The following NRK variants were observed in gnomAD, a reference collection of about 807,000 sequenced individuals.
NRK encodes the protein Nik related kinase.
NRK carries 67 observed loss-of-function variants against 125.2 expected under a neutral mutation model. That is an observed-to-expected ratio of 0.54 (90% confidence interval 0.44 to 0.66). NRK has a LOEUF of 0.66. NRK is among the 30% of genes least tolerant of loss of function. NRK has a pLI of 0.00. For synonymous variants in NRK, 458 were observed against 429.0 expected, an observed-to-expected ratio of 1.07 and a Z score of -0.84; for missense variants, 1,224 against 1,192.9, an observed-to-expected ratio of 1.03 and a Z score of -0.38.
intron 1 of NRK, among the ~76,000 whole-genome samples, chrX:105,829,378 C>A (rs1296060124): frequency 8.9e-6 from 1 of 111,977 alleles, no homozygotes; most frequent in African/African-American, 3.2e-5. Flanking sequence ...TTTATCACAG[C>A]AATAAAAATG....
Position 105,939,930 on chromosome X carries a change from A to G in NRK, c.3856A>G (p.Asn1286Asp). Residue 1286 changes from asparagine to aspartate, a missense_variant, in exon 23 of 29, where the codon AAT (asparagine) becomes GAT (aspartate). Coordinates refer to ENST00000243300, the MANE Select transcript of NRK (RefSeq NM_198465.4). Reference protein sequence around the residue: ...HLTWLRNKILNNDPESKRRQE... With the variant: ...HLTWLRNKILDNDPESKRRQE... ...GACCTGGTTGAGGAACAAGATTTTG[A>G]ATAATGATCCAGAAAGTAAAAGAAG... The G allele has an allele frequency of 8.4e-7, 1 of 1,191,445 alleles. No homozygotes were observed. Among genetic ancestry groups the G allele is most frequent in the Non-Finnish European group, 1.1e-6 (1 of 878,996 alleles).
chrX:105,956,078 A>G lies in NRK; in HGVS notation c.*478A>G, dbSNP rs1020993462. 2 of 112,200 alleles carry G rather than the reference A, an allele frequency of 1.8e-5. No individual in the cohort carries two copies. The highest frequency in any genetic ancestry group is 1.9e-5 in the Non-Finnish European group (1 of 53,336). The allele number at this position is 112,200 out of a possible 1,213,427, so 9.2% of individuals were successfully genotyped here. On this transcript the variant is annotated 3_prime_UTR_variant, in exon 29 of 29. Coordinates refer to ENST00000243300, the MANE Select transcript of NRK (RefSeq NM_198465.4). ...TCAAGAAACAAAAATCTTAAAGATT[A>G]TTATAACCCAGACTAAGGTTGAACA...
At position 105,923,494 on chromosome X, in the gene NRK, T is replaced by C. The variant is rs934564333; in HGVS notation, c.2975+12T>C. On this transcript the variant is annotated intron_variant, in intron 18 of 28. Coordinates refer to ENST00000243300, the MANE Select transcript of NRK (RefSeq NM_198465.4). ...CCTAGTTGTCCAAGGTTGGTTTTTT[T>C]GAATTACTTATACTCTCCATGTTTT... 10 of 1,092,551 alleles carry C rather than the reference T, an allele frequency of 9.2e-6. No homozygotes were observed. In the African/African-American group the frequency reaches 1.9e-4, roughly 21 times the overall value. The allele number at this position is 1,092,551 out of a possible 1,213,427, so 90.0% of individuals were successfully genotyped here.
At position 105,934,378 on chromosome X, in the gene NRK, G is replaced by A. The variant is rs1300570822; in HGVS notation, c.3433G>A (p.Ala1145Thr). 2 of 1,202,718 alleles carry A rather than the reference G, an allele frequency of 1.7e-6. No individual in the cohort carries two copies. Among genetic ancestry groups the A allele is most frequent in the Non-Finnish European group, 2.2e-6 (2 of 889,467 alleles). Residue 1145 changes from alanine to threonine, a missense_variant, in exon 20 of 29, where the codon GCC (alanine) becomes ACC (threonine). Coordinates refer to ENST00000243300, the MANE Select transcript of NRK (RefSeq NM_198465.4). The stretch of plus-strand genomic sequence containing the variant: ...ATCATCAACACAATCAGATTTTTCT[G>A]CCAATCACTCATCTCCTTCCAAAGG... The part of the protein sequence containing the change: ...SESSTQSDFS[A>T]NHSSPSKGSG...
At chrX:105,851,329 T>A (rs2039469277) in intron 2 of NRK, among the ~76,000 whole-genome samples, 1 of 112,269 alleles carries the variant, frequency 8.9e-6, no homozygotes, top group African/African-American at 3.2e-5. Context: ...AGAAAGGGTT[T>A]ATTACTTTTC....
intron 23 of NRK, among the ~76,000 whole-genome samples, chrX:105,942,373 C>T (rs2040754887): frequency 8.9e-6 from 1 of 111,735 alleles, no homozygotes; most frequent in African/African-American, 3.3e-5. Context: ...GTTCTATATT[C>T]TCTATATCCT....
chrX:105,825,723 G>A (rs2039083564), intron 1 of NRK, among the ~76,000 whole-genome samples: 1 of 111,385 alleles, frequency 9.0e-6, no homozygotes, highest in African/African-American at 3.3e-5. Context: ...TTTATACAAT[G>A]ATATAACTTT....
At chrX:105,880,127 C>G (rs1162086289) in intron 2 of NRK, 72 bp from the exon 3 acceptor site, 4 of 436,287 alleles carry the variant, frequency 9.2e-6, no homozygotes, top group Non-Finnish European at 1.5e-5. Flanking sequence ...TTAATATTTT[C>G]TACTTTAATT....
At position 105,934,355 on chromosome X, in the gene NRK, C is replaced by T. The variant is rs181789019; in HGVS notation, c.3410C>T (p.Ser1137Leu). Residue 1137 changes from serine to leucine, a missense_variant, in exon 20 of 29, where the codon TCA becomes TTA. Physicochemically the swap from Ser to Leu is moderately radical, Grantham distance 145. Transcript: ENST00000243300. ...HESDNKDISE[S>L]STQSDFSANH... ...AGTGACAATAAGGACATATCAGAATCATCAACACAATCAGATTTTTCTGCC... is the reference window on the plus strand; with the variant it reads ...AGTGACAATAAGGACATATCAGAATTATCAACACAATCAGATTTTTCTGCC... 3.0e-4 allele frequency: 364 copies of T among 1,195,147 alleles called. No individual in the cohort carries two copies. The African/African-American group carries it at 6.0e-3, about 20-fold the overall frequency.
At chrX:105,899,947 G>A (rs775445840) in intron 8 of NRK, among the ~76,000 whole-genome samples, 12 of 109,866 alleles carry the variant, frequency 1.1e-4, no homozygotes, top group South Asian at 4.0e-4. Flanking sequence ...CAGCCTGGGC[G>A]ACAGAGTGAG....
intron 19 of NRK, among the ~76,000 whole-genome samples, chrX:105,928,301 A>T (rs1446043482): frequency 9.0e-6 from 1 of 110,866 alleles, no homozygotes; most frequent in Admixed American, 9.6e-5. Context: ...ATAGTCTCTT[A>T]TGATTCTTTG....
chrX:105,951,496 A>G (rs1385931446), intron 27 of NRK, among the ~76,000 whole-genome samples: 1 of 112,295 alleles, frequency 8.9e-6, no homozygotes, highest in African/African-American at 3.2e-5. Context: ...AGAGTATGCT[A>G]AAGACTGTCA....
chrX:105,943,023 A>G (rs1344372542), intron 23 of NRK, among the ~76,000 whole-genome samples: 2 of 111,605 alleles, frequency 1.8e-5, no homozygotes, highest in Non-Finnish European at 3.8e-5. Context: ...GGTGCCCCAA[A>G]TTTTTAATTT....
At chrX:105,913,418 G>A (rs1006005046) in intron 14 of NRK, among the ~76,000 whole-genome samples, 4 of 111,853 alleles carry the variant, frequency 3.6e-5, no homozygotes, top group Admixed American at 2.8e-4. Context: ...GGTTCACTTT[G>A]TATATAGATC....
intron 2 of NRK, among the ~76,000 whole-genome samples, chrX:105,866,638 G>T (rs901391926): frequency 2.7e-5 from 3 of 111,589 alleles, no homozygotes; most frequent in Non-Finnish European, 3.8e-5. Flanking sequence ...ACACATACAT[G>T]TCTGAGTGAT....
rs2040266641 is a variant in NRK at position 105,909,486 on chromosome X, A to T, written c.1845A>T (p.Gln615His). Reference protein sequence around the residue: ...DTQVLIPVEGQTEGSPQAQAW... With the variant: ...DTQVLIPVEGHTEGSPQAQAW... ...AGGTGCTCATTCCAGTAGAGGGGCAAACTGAAGGATCACCTCAGGCACAGG... is the reference window on the plus strand; with the variant it reads ...AGGTGCTCATTCCAGTAGAGGGGCATACTGAAGGATCACCTCAGGCACAGG... Residue 615 changes from glutamine to histidine, a missense_variant, in exon 13 of 29, where the codon CAA becomes CAT. Coordinates refer to ENST00000243300, the MANE Select transcript of NRK (RefSeq NM_198465.4). 1.7e-6 allele frequency: 2 copies of T among 1,210,480 alleles called. No homozygotes were observed. Among genetic ancestry groups the T allele is most frequent in the Non-Finnish European group, 2.2e-6 (2 of 894,767 alleles).
intron 2 of NRK, among the ~76,000 whole-genome samples, chrX:105,861,691 T>C (rs1285789569): frequency 6.2e-5 from 7 of 112,138 alleles, no homozygotes; most frequent in Non-Finnish European, 1.3e-4. Flanking sequence ...AATGTAAGGG[T>C]TTATTTAATA....
intron 18 of NRK, among the ~76,000 whole-genome samples, chrX:105,924,236 A>C (rs986600610): frequency 4.5e-5 from 5 of 110,404 alleles, no homozygotes; most frequent in East Asian, 2.9e-4. Flanking sequence ...CAGTCAGTAC[A>C]CATGTTAGAA....
chrX:105,940,102 T>G, intron 23 of NRK, 70 bp downstream of exon 23: 1 of 776,742 alleles, frequency 1.3e-6, no homozygotes, highest in Non-Finnish European at 1.9e-6. Context: ...ACTACATAAT[T>G]ATGAAAGGCA....
Sources: gnomAD v4.1 joint callset for allele counts (sites outside exome capture counted in the v4.1 genomes callset) on GRCh38, gnomAD v4.1.1 for gene constraint, MANE v1.5 for transcripts, NCBI Gene and HGNC (gene_info 2026-07-23, HGNC 2026-07-21) for gene names.